Variants in DLG2 observed in about 807,000 individuals in gnomAD.
The protein encoded by DLG2 is disks large homolog 2.
In DLG2, 45 loss-of-function variants were observed where a neutral mutation model predicts 132.5. The ratio of observed to expected loss-of-function variants is 0.34; its 90% CI spans 0.27 to 0.44. DLG2 has a LOEUF of 0.44. DLG2 is among the 20% of genes least tolerant of loss of function. The pLI, the probability that DLG2 is intolerant of heterozygous loss-of-function variation, is 1.00. For missense variants in DLG2, 1,045 were observed against 1,196.9 expected, an observed-to-expected ratio of 0.87 and a Z score of 1.87; for synonymous variants, 424 against 419.6, an observed-to-expected ratio of 1.01 and a Z score of -0.13.
intron 9 of DLG2, among the ~76,000 whole-genome samples, chr11:84,156,841 A>G (rs2095438887): frequency 6.6e-6 from 1 of 152,184 alleles, no homozygotes; most frequent in African/African-American, 2.4e-5. Flanking sequence ...AGACCCATTA[A>G]AGTTGTCTAA....
At chr11:84,523,937 A>T (rs1411992586) in intron 7 of DLG2, among the ~76,000 whole-genome samples, 1 of 152,152 alleles carries the variant, frequency 6.6e-6, no homozygotes, top group African/African-American at 2.4e-5. Flanking sequence ...TATGTACATA[A>T]AAGAAGTAGA....
chr11:84,261,015 A>G (rs1209184875), intron 7 of DLG2, among the ~76,000 whole-genome samples: 1 of 152,228 alleles, frequency 6.6e-6, no homozygotes, highest in Non-Finnish European at 1.5e-5. Flanking sequence ...TATTCCTGGA[A>G]AGATCCATGT....
intron 21 of DLG2, among the ~76,000 whole-genome samples, chr11:83,520,621 AG>A (rs1565614785): frequency 2.0e-5 from 3 of 149,440 alleles, no homozygotes; most frequent in African/African-American, 7.6e-5. Context: ...ACAGACAGGT[AG>A]GTAGATAGGT....
intron 18 of DLG2, among the ~76,000 whole-genome samples, chr11:83,684,241 T>C (rs150623500): frequency 6.6e-6 from 1 of 152,058 alleles, no homozygotes; most frequent in Non-Finnish European, 1.5e-5. Flanking sequence ...GATGAGCTCC[T>C]CCCGATCAGA....
At chr11:84,521,352 CAG>C (rs1010285284) in intron 7 of DLG2, among the ~76,000 whole-genome samples, 4 of 152,180 alleles carry the variant, frequency 2.6e-5, no homozygotes, top group African/African-American at 9.6e-5. Context: ...TCTTGGGAAA[CAG>C]AGACATAAAC....
chr11:85,455,996 G>C (rs1036178710), intron 3 of DLG2, among the ~76,000 whole-genome samples: 2 of 151,916 alleles, frequency 1.3e-5, no homozygotes, highest in African/African-American at 4.8e-5. Context: ...GCCAGGTTTT[G>C]GTATCAGGAT....
chr11:84,870,372 C>T (rs2085293042), intron 6 of DLG2, among the ~76,000 whole-genome samples: 1 of 152,112 alleles, frequency 6.6e-6, no homozygotes, highest in Non-Finnish European at 1.5e-5. Flanking sequence ...CCAGCAAGAT[C>T]CTGTTATTCT....
chr11:83,588,361 C>A (rs2097129355), intron 19 of DLG2, among the ~76,000 whole-genome samples: 1 of 151,848 alleles, frequency 6.6e-6, no homozygotes, highest in South Asian at 2.1e-4. Context: ...GAGGCACCCC[C>A]CAGCAGGGGC....
At chr11:85,535,227 G>T (rs557736155) in intron 3 of DLG2, among the ~76,000 whole-genome samples, 2 of 152,216 alleles carry the variant, frequency 1.3e-5, no homozygotes, top group East Asian at 3.9e-4. Flanking sequence ...TGGTGATGCG[G>T]AGTATTTAGC....
intron 18 of DLG2, among the ~76,000 whole-genome samples, chr11:83,681,140 T>A (rs898530598): frequency 3.3e-5 from 5 of 152,278 alleles, no homozygotes; most frequent in Non-Finnish European, 7.4e-5. Flanking sequence ...ATATATAATA[T>A]GCCATATGAC....
chr11:85,570,847 C>G (rs2077803890), intron 3 of DLG2, among the ~76,000 whole-genome samples: 1 of 152,030 alleles, frequency 6.6e-6, no homozygotes. Flanking sequence ...GATTTATCTT[C>G]CAGTCGCTGA....
intron 3 of DLG2, among the ~76,000 whole-genome samples, chr11:85,506,913 CATAT>C (rs1424005291): frequency 1.3e-5 from 2 of 152,160 alleles, no homozygotes; most frequent in African/African-American, 4.8e-5. Context: ...GTATTGGGTG[CATAT>C]ATATTTAGGA....
intron 3 of DLG2, among the ~76,000 whole-genome samples, chr11:85,340,838 T>C (rs958193323): frequency 5.3e-5 from 8 of 152,202 alleles, no homozygotes; most frequent in African/African-American, 1.9e-4. Context: ...TTTCCCTGTA[T>C]CAAGATGAAA....
At chr11:83,622,578 GCATCCCA>G (rs1319719839) in intron 19 of DLG2, among the ~76,000 whole-genome samples, 1 of 152,102 alleles carries the variant, frequency 6.6e-6, no homozygotes, top group East Asian at 1.9e-4. Flanking sequence ...TGCTTTTGTT[GCATCCCA>G]GAGATTTTTG....
chr11:85,172,132 C>T (rs1453763513), intron 4 of DLG2, among the ~76,000 whole-genome samples: 2 of 152,216 alleles, frequency 1.3e-5, no homozygotes, highest in South Asian at 2.1e-4. Flanking sequence ...AAGTGGGTTC[C>T]TGAATCCCTT....
intron 18 of DLG2, among the ~76,000 whole-genome samples, chr11:83,746,679 A>G (rs1316637801): frequency 6.6e-6 from 1 of 152,166 alleles, no homozygotes; most frequent in Non-Finnish European, 1.5e-5. Flanking sequence ...ATACATATGT[A>G]ACAAACCTGC....
intron 3 of DLG2, among the ~76,000 whole-genome samples, chr11:85,596,947 T>TA (rs1463419394): frequency 6.6e-6 from 1 of 152,252 alleles, no homozygotes; most frequent in African/African-American, 2.4e-5. Flanking sequence ...TGGTTTATCC[T>TA]AAAATGACTT....
intron 7 of DLG2, among the ~76,000 whole-genome samples, chr11:84,336,826 C>A (rs776475996): frequency 3.3e-5 from 5 of 152,126 alleles, no homozygotes; most frequent in South Asian, 2.1e-4. Context: ...AAAAGATAAG[C>A]TTGATGAATT....
intron 4 of DLG2, among the ~76,000 whole-genome samples, chr11:85,160,221 G>A (rs967462885): frequency 6.6e-5 from 10 of 152,226 alleles, no homozygotes; most frequent in East Asian, 5.8e-4. Flanking sequence ...AGTGACTGCC[G>A]GTTTTGAGTG....
Sources: allele counts gnomAD v4.1 joint callset (sites outside exome capture counted in the v4.1 genomes callset), GRCh38; gene constraint gnomAD v4.1.1; transcripts MANE v1.5; gene names NCBI Gene and HGNC (gene_info 2026-07-23, HGNC 2026-07-21).